Variants in CD37 observed in about 807,000 individuals in gnomAD.
CD37 encodes leukocyte antigen CD37.
Under a neutral mutation model 38.9 loss-of-function variants are expected in CD37, and 37 were observed. That is an observed-to-expected ratio of 0.95 (90% CI 0.73 to 1.25). CD37 has a LOEUF of 1.25. CD37 is among the 50% of genes most tolerant of loss of function. CD37 has a pLI of 0.00. For missense variants in CD37, 351 were observed against 360.1 expected (o/e 0.97, Z 0.20); for synonymous variants, 146 against 150.1 (o/e 0.97, Z 0.20).
Position 49,340,330 on chromosome 19 carries a change from C to A in CD37, c.*2C>A. The stretch of plus-strand genomic sequence containing the variant: ...AACCGGCTCGCTCGATACCGTTAGG[C>A]CCCGCCCTCCCCAAAGTCCCGCCCC... On this transcript the variant is annotated 3_prime_UTR_variant, in exon 8 of 8. Coordinates refer to ENST00000323906, the MANE Select transcript of CD37 (RefSeq NM_001774.3). The A allele has an allele frequency of 6.2e-7, 1 of 1,605,632 alleles. No homozygotes were observed. The highest frequency in any genetic ancestry group is 8.5e-7 in the Non-Finnish European group (1 of 1,172,842).
Position 49,336,995 on chromosome 19 carries a change from G to A in CD37, c.229G>A (p.Val77Met), listed in dbSNP as rs767661161. ...CATGGGCATCGCCCTCCTGGGTTGTGTGGGGGCCCTCAAGGAGCTCCGCTG... is the reference window on the plus strand; with the variant it reads ...CATGGGCATCGCCCTCCTGGGTTGTATGGGGGCCCTCAAGGAGCTCCGCTG... ...FTMGIALLGC[V>M]GALKELRCLL... The change falls in exon 3 of 8, where the codon GTG becomes ATG. Residue 77 changes from valine (V) to methionine (M), a missense_variant. Val to Met is a conservative substitution (Grantham distance 21). Transcript: ENST00000323906. The A allele has an allele frequency of 1.4e-5, 22 of 1,613,854 alleles. No individual in the cohort carries two copies. The highest frequency in any genetic ancestry group is 1.9e-5 in the Non-Finnish European group (22 of 1,179,886).
chr19:49,335,529 C>A lies in CD37; in HGVS notation c.-12C>A, dbSNP rs979071014. The A allele has an allele frequency of 6.2e-7, 1 of 1,610,126 alleles. No homozygotes were observed. The highest frequency in any genetic ancestry group is 8.5e-7 in the Non-Finnish European group (1 of 1,176,372). On this transcript the variant is annotated 5_prime_UTR_variant, in exon 1 of 8. Transcript: ENST00000323906. The surrounding 1 kb of genome is among the most constrained non-coding windows in gnomAD (Gnocchi z 4.6). ...TGTGTGGTGAGTGGACCGCTTACCC[C>A]ACTAGGTGAAGATGTCAGCCCAGGA...
chr19:49,337,845 C>T, intron 4 of CD37, 80 bp from the exon 5 acceptor site: 3 of 1,600,526 alleles, frequency 1.9e-6, no homozygotes, highest in Non-Finnish European at 2.6e-6. Flanking sequence ...TGCACAGGGC[C>T]CGCCTGAGGC....
At chr19:49,337,646 C>A (rs191879345) in intron 4 of CD37, 5 of 1,510,420 alleles carry the variant, frequency 3.3e-6, no homozygotes, top group Non-Finnish European at 4.4e-6. Context: ...CGACCTGGAC[C>A]AAGGGAGACA....
chr19:49,338,129 A>G lies in CD37; in HGVS notation c.447+100A>G. 2 of 1,509,554 alleles carry G rather than the reference A, an allele frequency of 1.3e-6. No individual in the cohort carries two copies. Among genetic ancestry groups the G allele is most frequent in the Non-Finnish European group, 1.8e-6 (2 of 1,127,780 alleles). The allele number at this position is 1,509,554 out of a possible 1,614,324, so 93.5% of individuals were successfully genotyped here. On this transcript the variant is annotated intron_variant, in intron 5 of 7. Coordinates refer to ENST00000323906, the MANE Select transcript of CD37 (RefSeq NM_001774.3). The surrounding 1 kb of genome is among the most constrained non-coding windows in gnomAD (Gnocchi z 5.0). ...CGTGGGCCCGACCCCCAGCTCTACG[A>G]TCCTAACACACCCCAATCCCTCCCA...
In CD37 at chr19:49,339,229, G is replaced by A; in HGVS notation, c.685-101G>A. Reference sequence around the variant, plus strand: ...AGTGCCCTGGTGACTAGGGGAGCGGGTAGATGCCTGAAGACGGTGAGGGTT... The same window carrying A: ...AGTGCCCTGGTGACTAGGGGAGCGGATAGATGCCTGAAGACGGTGAGGGTT... On this transcript the variant is annotated intron_variant, in intron 6 of 7. Coordinates refer to ENST00000323906, the MANE Select transcript of CD37 (RefSeq NM_001774.3). This position sits in a 1 kb window ranked among gnomAD's most constrained non-coding sequence, Gnocchi z 4.5. The A allele has an allele frequency of 9.7e-7, 1 of 1,035,200 alleles. No homozygotes were observed. The highest frequency in any genetic ancestry group is 1.5e-6 in the Non-Finnish European group (1 of 678,036). The allele number at this position is 1,035,200 out of a possible 1,614,324, so 64.1% of individuals were successfully genotyped here.
intron 2 of CD37, 117 bp from the exon 3 acceptor site, chr19:49,336,792 T>A: frequency 2.8e-6 from 3 of 1,073,712 alleles, no homozygotes; most frequent in Non-Finnish European, 4.1e-6. Context: ...AGGGACAGAG[T>A]CCCAGAGAGA....
Position 49,338,077 on chromosome 19 carries a change from C to A in CD37, c.447+48C>A. 1.9e-6 allele frequency: 3 copies of A among 1,599,886 alleles called. No individual in the cohort carries two copies. Among genetic ancestry groups the A allele is most frequent in the Non-Finnish European group, 2.6e-6 (3 of 1,173,126 alleles). On this transcript the variant is annotated intron_variant, in intron 5 of 7. Coordinates refer to ENST00000323906, the MANE Select transcript of CD37 (RefSeq NM_001774.3). The surrounding 1 kb of genome is among the most constrained non-coding windows in gnomAD (Gnocchi z 5.0). ...CCTCCCGGACTGACCCGCCTCAGCC[C>A]TGTGCTTGGAGGAGACTCCACCCCA... is the stretch of plus-strand genomic sequence containing the variant.
In CD37 at chr19:49,339,724, G is replaced by A. The variant is rs776362564; in HGVS notation, c.768+311G>A. ...ACTCCGCCGGAAATGCGAGCCGCAC[G>A]TGCCGGGCGCTGGGGATTCGAGCCC... On this transcript the variant is annotated intron_variant, in intron 7 of 7. Transcript: ENST00000323906. The surrounding 1 kb of genome is among the most constrained non-coding windows in gnomAD (Gnocchi z 4.5). 1.9e-5 allele frequency: 27 copies of A among 1,400,748 alleles called. No homozygotes were observed. Among genetic ancestry groups the A allele is most frequent in the Non-Finnish European group, 2.1e-5 (23 of 1,082,566 alleles). 86.8% of individuals were successfully genotyped at this position (1,400,748 alleles called of 1,614,324 possible). A position where few individuals can be genotyped will look rare whatever the true frequency, so the allele number is the denominator to read the frequency against.
At chr19:49,340,113 T>C in intron 7 of CD37, 138 bp from the exon 8 acceptor site, 1 of 1,536,176 alleles carries the variant, frequency 6.5e-7, no homozygotes, top group Non-Finnish European at 8.8e-7. Flanking sequence ...AGCCCCGCCC[T>C]TTTCTACCTA....
Position 49,336,951 on chromosome 19 carries a change from CCATCT to C in CD37, c.188_192del (p.Ile63ArgfsTer106). ...CTGCAGATCTGGTCCAAAGTCCTGG[CCATCT>C]CAGGAATCTTCACCATGGGCATCGC... is the stretch of plus-strand genomic sequence containing the variant. On this transcript the variant is annotated frameshift_variant, in exon 3 of 8. Coordinates refer to ENST00000323906, the MANE Select transcript of CD37 (RefSeq NM_001774.3). LOFTEE classifies it high-confidence loss of function. 6.2e-7 allele frequency: 1 copy of C among 1,614,170 alleles called. No individual in the cohort carries two copies. The highest frequency in any genetic ancestry group is 1.1e-5 in the South Asian group (1 of 91,088).
Position 49,338,599 on chromosome 19 carries a change from C to T in CD37, c.448-101C>T. 5.9e-6 allele frequency: 5 copies of T among 841,650 alleles called. No homozygotes were observed. The South Asian group carries it at 7.4e-5, about 12-fold the overall frequency. The allele number at this position is 841,650 out of a possible 1,614,324, so 52.1% of individuals were successfully genotyped here. ...CCCACTCCACACCCACCACTTAGTC[C>T]CCTGCTCCCCGACCTGACCTCATAC... On this transcript the variant is annotated intron_variant, in intron 5 of 7. Coordinates refer to ENST00000323906, the MANE Select transcript of CD37 (RefSeq NM_001774.3). The surrounding 1 kb of genome is among the most constrained non-coding windows in gnomAD (Gnocchi z 5.0).
At position 49,339,329 on chromosome 19, in the gene CD37, G is replaced by A. The variant is rs759349317; in HGVS notation, c.685-1G>A. The A allele has an allele frequency of 1.2e-6, 2 of 1,613,826 alleles. No homozygotes were observed. The highest frequency in any genetic ancestry group is 1.1e-5 in the South Asian group (1 of 91,086). ...CTTTAACTTTTCCCTACACCCCCCA[G>A]GGCTGCGCGCAGGGCCTCCAGAAGT... On this transcript the variant is annotated splice_acceptor_variant, in intron 6 of 7. Transcript: ENST00000323906. LOFTEE classifies it high-confidence loss of function. This position sits in a 1 kb window ranked among gnomAD's most constrained non-coding sequence, Gnocchi z 4.5.
At chr19:49,340,219 G>A (rs867888318) in intron 7 of CD37, 32 bp from the exon 8 acceptor site, 1 of 1,591,204 alleles carries the variant, frequency 6.3e-7, no homozygotes. Flanking sequence ...GCACCCCTTC[G>A]ACTTCTCTGA....
At chr19:49,337,249 AC>A (rs1178187912) in intron 4 of CD37, 28 bp downstream of exon 4, 1 of 1,602,998 alleles carries the variant, frequency 6.2e-7, no homozygotes, top group Admixed American at 1.7e-5. Context: ...GCCACCACCC[AC>A]CCCCAGCAGG....
rs1251350565 is a variant in CD37 at position 49,337,236 on chromosome 19, G to A, written c.342+15G>A. The A allele has an allele frequency of 6.2e-7, 1 of 1,612,336 alleles. No homozygotes were observed. The highest frequency in any genetic ancestry group is 8.5e-7 in the Non-Finnish European group (1 of 1,178,536). On this transcript the variant is annotated intron_variant, in intron 4 of 7. Transcript: ENST00000323906. ...AGCGGGCCCAGGTGAGCTTCCTGCA[G>A]TGGCCACCACCCACCCCCAGCAGGG...
In CD37 at chr19:49,339,250, G is replaced by T; in HGVS notation, c.685-80G>T. 1 of 1,283,466 alleles carries T rather than the reference G, an allele frequency of 7.8e-7. No individual in the cohort carries two copies. The highest frequency in any genetic ancestry group is 1.8e-5 in the Admixed American group (1 of 56,918). 79.5% of individuals were successfully genotyped at this position (1,283,466 alleles called of 1,614,324 possible). ...GCGGGTAGATGCCTGAAGACGGTGA[G>T]GGTTGGCCTGAAAAGAACGCTGGGC... On this transcript the variant is annotated intron_variant, in intron 6 of 7. Transcript: ENST00000323906. The surrounding 1 kb of genome is among the most constrained non-coding windows in gnomAD (Gnocchi z 4.5).
In CD37 at chr19:49,340,323, C is replaced by T. The variant is rs748060068; in HGVS notation, c.841C>T (p.Arg281Cys). The T allele has an allele frequency of 6.2e-6, 10 of 1,611,072 alleles. No individual in the cohort carries two copies. The highest frequency in any genetic ancestry group is 8.5e-6 in the Non-Finnish European group (10 of 1,177,528). Residue 281 changes from arginine (R) to cysteine (C), a missense_variant, in exon 8 of 8, where the codon CGT (arginine) becomes TGT (cysteine). Arg to Cys is a radical substitution (Grantham distance 180). Transcript: ENST00000323906. ...DHVYNRLARY[R>C] ...CGTCTACAACCGGCTCGCTCGATACCGTTAGGCCCCGCCCTCCCCAAAGTC... is the reference window on the plus strand; with the variant it reads ...CGTCTACAACCGGCTCGCTCGATACTGTTAGGCCCCGCCCTCCCCAAAGTC...
Position 49,335,462 on chromosome 19 carries a change from CTCTT to C in CD37, c.-71_-68del, listed in dbSNP as rs1248517570. On this transcript the variant is annotated 5_prime_UTR_variant, in exon 1 of 8. Coordinates refer to ENST00000323906, the MANE Select transcript of CD37 (RefSeq NM_001774.3). This position sits in a 1 kb window ranked among gnomAD's most constrained non-coding sequence, Gnocchi z 4.6. ...TCTCCGTCTCTCTTTCTCTCTCAGC[CTCTT>C]TCTTTCTCCCTGTCTCCCCCACTGT... is the stretch of plus-strand genomic sequence containing the variant. The C allele has an allele frequency of 7.0e-6, 7 of 1,005,608 alleles. No homozygotes were observed. The highest frequency in any genetic ancestry group is 1.6e-5 in the African/African-American group (1 of 62,774). 62.3% of individuals were successfully genotyped at this position (1,005,608 alleles called of 1,614,324 possible). A position where few individuals can be genotyped will look rare whatever the true frequency, so the allele number is the denominator to read the frequency against.
Sources: allele counts gnomAD v4.1 joint callset, GRCh38; gene constraint gnomAD v4.1.1; non-coding constraint Gnocchi (gnomAD v3.1); transcripts MANE v1.5; gene names NCBI Gene and HGNC (gene_info 2026-07-23, HGNC 2026-07-21).